Variants in FRMD4B observed in about 807,000 individuals in gnomAD.
FRMD4B encodes FERM domain-containing protein 4B.
A neutral mutation model predicts 141.5 loss-of-function variants in FRMD4B; 74 were observed. The observed-to-expected ratio is 0.52, with a 90% CI of 0.43 to 0.63. FRMD4B has a LOEUF of 0.63. Among genes scored for constraint, FRMD4B ranks in the 30% least tolerant of loss-of-function variants. The probability of loss-of-function intolerance (pLI) is 0.00; values close to 1 mark genes in which losing one functional copy is unlikely to be tolerated. For synonymous variants in FRMD4B, 506 were observed against 467.9 expected (o/e 1.08, Z -1.05); for missense variants, 1,366 against 1,253.4 (o/e 1.09, Z -1.36).
chr3:69,463,886 A>G (rs1309296821), intron 1 of FRMD4B, among the ~76,000 whole-genome samples: 2 of 152,206 alleles, frequency 1.3e-5, no homozygotes, highest in Non-Finnish European at 2.9e-5. Context: ...TTGAAAGGCT[A>G]TTAGAGATCC....
chr3:69,309,607 ATTTTTTT>A (rs34067186), intron 3 of FRMD4B, among the ~76,000 whole-genome samples: 55 of 109,060 alleles, frequency 5.0e-4, no homozygotes, highest in African/African-American at 1.5e-3. Context: ...TACCTGGCTG[ATTTTTTT>A]TTTTTTTTTT....
intron 1 of FRMD4B, among the ~76,000 whole-genome samples, chr3:69,470,537 A>G (rs541248700): frequency 6.6e-6 from 1 of 152,330 alleles, no homozygotes; most frequent in African/African-American, 2.4e-5. Context: ...TTTAGAAAGA[A>G]GAAAGTTACT....
intron 1 of FRMD4B, among the ~76,000 whole-genome samples, chr3:69,326,585 A>C (rs562314734): frequency 6.6e-6 from 1 of 152,350 alleles, no homozygotes; most frequent in African/African-American, 2.4e-5. Context: ...TGAGCTCTCA[A>C]ACCTACCTGT....
chr3:69,533,600 A>G (rs942667066), intron 1 of FRMD4B, among the ~76,000 whole-genome samples: 1 of 152,238 alleles, frequency 6.6e-6, no homozygotes, highest in African/African-American at 2.4e-5. Context: ...TTCTGATCCA[A>G]CATTCCATGC....
In FRMD4B at chr3:69,198,560, A is replaced by C. The variant is rs11923458; in HGVS notation, c.953+138T>G. 5.7e-3 allele frequency: 3,531 copies of C among 621,458 alleles called. 109 individuals are homozygous for C. In the African/African-American group the frequency reaches 0.059, roughly 10 times the overall value. The allele number at this position is 621,458 out of a possible 1,614,324, so 38.5% of individuals were successfully genotyped here. ...GAGGGTTAAAGATAGTTACCATTTG[A>C]CCCAGCAATTCCATTCCTAGGTATA... is the stretch of plus-strand genomic sequence containing the variant. On this transcript the variant is annotated intron_variant, in intron 12 of 22. Transcript: ENST00000398540.
intron 5 of FRMD4B, among the ~76,000 whole-genome samples, chr3:69,274,868 C>T (rs921760197): frequency 2.0e-5 from 3 of 152,146 alleles, no homozygotes; most frequent in Non-Finnish European, 4.4e-5. Context: ...CATTCAATAA[C>T]GTTTTATCTA....
In FRMD4B at chr3:69,244,947, TA is replaced by T. The variant is rs1412671957; in HGVS notation, c.581+4278del. Among the ~76,000 whole-genome samples, 3 of 152,158 alleles carry T rather than the reference TA, an allele frequency of 2.0e-5. No individual in the cohort carries two copies. In the East Asian group the frequency reaches 5.8e-4, roughly 29 times the overall value. ...TATGGGGAAAAAAAGCTAATATAAA[TA>T]AGGCCATGATGAACATCTTTTTTCC... is the stretch of plus-strand genomic sequence containing the variant. On this transcript the variant is annotated intron_variant, in intron 7 of 22. Transcript: ENST00000398540.
chr3:69,185,300 CAAAAAAA>C (rs1237352393), intron 19 of FRMD4B, among the ~76,000 whole-genome samples: 1 of 67,942 alleles, frequency 1.5e-5, no homozygotes, highest in Non-Finnish European at 3.2e-5. Context: ...GACTCCGTCT[CAAAAAAA>C]AAAAAAAAAG....
At chr3:69,207,599 A>G (rs28739466) in intron 11 of FRMD4B, among the ~76,000 whole-genome samples, 2,384 of 152,126 alleles carry the variant, frequency 0.016, 61 homozygotes, top group African/African-American at 0.054. Flanking sequence ...CACGAGGTCA[A>G]GAGATCGAAA....
chr3:69,519,537 C>T (rs1700818703), intron 1 of FRMD4B, among the ~76,000 whole-genome samples: 1 of 152,182 alleles, frequency 6.6e-6, no homozygotes, highest in Non-Finnish European at 1.5e-5. Context: ...AGGGAGCCTG[C>T]TGGCTTTTTG....
At position 69,362,052 on chromosome 3, in the gene FRMD4B, A is replaced by G. The variant is rs79118747; in HGVS notation, c.162+23776T>C. 1.9e-3 allele frequency among the ~76,000 whole-genome samples: 284 copies of G among 152,300 alleles called. 5 individuals carry two copies. The East Asian group carries it at 0.036, about 19-fold the overall frequency. ...ATTTTAGTTATTTTAGTGACTGTGA[A>G]GTAGTAGAAGCATTTGTGTTTAAGT... On this transcript the variant is annotated intron_variant, in intron 1 of 22. Transcript: ENST00000398540.
At chr3:69,373,831 C>G (rs867280956) in intron 1 of FRMD4B, among the ~76,000 whole-genome samples, 1 of 152,162 alleles carries the variant, frequency 6.6e-6, no homozygotes, top group Non-Finnish European at 1.5e-5. Flanking sequence ...TATGATTGCA[C>G]CAATGCACTC....
rs199930882 is a variant in FRMD4B, at chr3:69,323,604, C to CTG, written c.163-10089_163-10088dup. On this transcript the variant is annotated intron_variant, in intron 1 of 22. Transcript: ENST00000398540. ...AAAACCCAACTCTCTCTCTCTCTCT[C>CTG]TGTGTATATATATATATATATATAT... Among the ~76,000 whole-genome samples, 108 of 103,246 alleles carry CTG rather than the reference C, an allele frequency of 1.0e-3. 1 individual carries two copies. The East Asian group carries it at 0.011, about 10-fold the overall frequency. The allele number at this position is 103,246 out of a possible 152,430, so 67.7% of individuals were successfully genotyped here. A position where few individuals can be genotyped will look rare whatever the true frequency, so the allele number is the denominator to read the frequency against.
chr3:69,520,258 AATATATATATATGATGGAAT>A, intron 1 of FRMD4B, among the ~76,000 whole-genome samples: 1 of 76,402 alleles, frequency 1.3e-5, no homozygotes, highest in Admixed American at 1.2e-4. Flanking sequence ...TATATGATGG[AATATATATATATGATGGAAT>A]ATATATATAT....
chr3:69,250,241 G>A lies in FRMD4B; in HGVS notation c.502-142C>T, dbSNP rs973825468. The A allele has an allele frequency of 6.9e-6, 5 of 728,910 alleles. No homozygotes were observed. The African/African-American group carries it at 8.6e-5, about 13-fold the overall frequency. 45.2% of individuals were successfully genotyped at this position (728,910 alleles called of 1,614,324 possible). ...GATCATACCATTGCAGGGGAAAGTG[G>A]GGGGTGTGGAGAGACTCATTGAGGG... On this transcript the variant is annotated intron_variant, in intron 5 of 22. Coordinates refer to ENST00000398540, the MANE Select transcript of FRMD4B (RefSeq NM_015123.3).
At chr3:69,505,549 G>T (rs1249715515) in intron 1 of FRMD4B, among the ~76,000 whole-genome samples, 2 of 152,156 alleles carry the variant, frequency 1.3e-5, no homozygotes, top group Non-Finnish European at 2.9e-5. Context: ...CTTTGTCCTT[G>T]TAAGTAGGTG....
Position 69,339,961 on chromosome 3 carries a change from A to T in FRMD4B, c.163-26444T>A, listed in dbSNP as rs78664489. 6.6e-5 allele frequency among the ~76,000 whole-genome samples: 10 copies of T among 152,078 alleles called. No individual in the cohort carries two copies. In the East Asian group the frequency reaches 2.0e-3, roughly 30 times the overall value. ...AAAACTCCCATCCCTGAGGCGGCCT[A>T]CCAAGCCCTGCACTGCCTCATTCCT... is the stretch of plus-strand genomic sequence containing the variant. On this transcript the variant is annotated intron_variant, in intron 1 of 22. Transcript: ENST00000398540.
At chr3:69,540,633 AAAAAT>A (rs1701161370) in intron 1 of FRMD4B, among the ~76,000 whole-genome samples, 1 of 76,574 alleles carries the variant, frequency 1.3e-5, no homozygotes, top group Non-Finnish European at 2.2e-5. Context: ...AAAAAAAAAA[AAAAAT>A]ATATATATAT....
At chr3:69,378,222 C>G (rs1704024773) in intron 1 of FRMD4B, among the ~76,000 whole-genome samples, 1 of 152,174 alleles carries the variant, frequency 6.6e-6, no homozygotes, top group South Asian at 2.1e-4. Flanking sequence ...GGAACCAAAT[C>G]TGTGTCAGCA....
Sources: gnomAD v4.1 joint callset for allele counts (sites outside exome capture counted in the v4.1 genomes callset) on GRCh38, gnomAD v4.1.1 for gene constraint, MANE v1.5 for transcripts, NCBI Gene and HGNC (gene_info 2026-07-23, HGNC 2026-07-21) for gene names.